The following PARD3 variants were observed in gnomAD, a reference collection of about 807,000 sequenced individuals.
PARD3 encodes the protein partitioning defective 3 homolog.
A neutral mutation model predicts 155.4 loss-of-function variants in PARD3; 75 were observed. The observed-to-expected ratio is 0.48, with a 90% confidence interval of 0.40 to 0.58. The LOEUF (loss-of-function observed/expected upper bound fraction) is 0.58. PARD3 is among the 20% of genes least tolerant of loss of function. PARD3 has a pLI of 0.00. For synonymous variants in PARD3, 576 were observed against 610.5 expected (o/e 0.94, Z 0.83); for missense variants, 1,642 against 1,721.7 (o/e 0.95, Z 0.82).
chr10:34,634,073 C>A (rs1157803544), intron 2 of PARD3, among the ~76,000 whole-genome samples: 3 of 152,138 alleles, frequency 2.0e-5, no homozygotes, highest in East Asian at 1.9e-4. Context: ...CAGGAAGCTA[C>A]ACAATGGCAG....
chr10:34,531,269 C>G (rs906906905), intron 2 of PARD3, among the ~76,000 whole-genome samples: 29 of 152,194 alleles, frequency 1.9e-4, no homozygotes, highest in Non-Finnish European at 1.5e-4. Context: ...GGCAGACACT[C>G]TTTCTCCTCA....
intron 2 of PARD3, among the ~76,000 whole-genome samples, chr10:34,525,097 G>A (rs969549536): frequency 2.0e-5 from 3 of 152,154 alleles, no homozygotes; most frequent in Admixed American, 1.3e-4. Flanking sequence ...TAGAGCTAGT[G>A]TTTAACTGGA....
chr10:34,747,254 C>A (rs955679296), intron 1 of PARD3, among the ~76,000 whole-genome samples: 1 of 151,962 alleles, frequency 6.6e-6, no homozygotes, highest in Non-Finnish European at 1.5e-5. Flanking sequence ...ATTTGAGCCA[C>A]GATTCTAAGG....
At chr10:34,625,058 C>T (rs182780884) in intron 2 of PARD3, among the ~76,000 whole-genome samples, 13 of 152,170 alleles carry the variant, frequency 8.5e-5, no homozygotes, top group African/African-American at 2.9e-4. Flanking sequence ...TCCACAGGGA[C>T]CTTCTTCCAT....
At chr10:34,288,258 C>T (rs1956499068) in intron 20 of PARD3, among the ~76,000 whole-genome samples, 1 of 152,026 alleles carries the variant, frequency 6.6e-6, no homozygotes, top group Admixed American at 6.6e-5. Context: ...TTAAAGAAAC[C>T]ATATGTAAAA....
intron 22 of PARD3, among the ~76,000 whole-genome samples, chr10:34,248,793 A>G (rs188503975): frequency 6.6e-6 from 1 of 152,238 alleles, no homozygotes; most frequent in Admixed American, 6.5e-5. Context: ...CATCATAAAC[A>G]AAGAATAGTA....
intron 20 of PARD3, among the ~76,000 whole-genome samples, chr10:34,309,311 C>T (rs915593431): frequency 6.6e-6 from 1 of 152,022 alleles, no homozygotes; most frequent in Admixed American, 6.6e-5. Context: ...CTCATCTCAG[C>T]ATGCTGGGAG....
intron 1 of PARD3, among the ~76,000 whole-genome samples, chr10:34,742,165 T>C (rs1180737687): frequency 6.6e-6 from 1 of 152,166 alleles, no homozygotes; most frequent in Non-Finnish European, 1.5e-5. Context: ...CTCCACTCAA[T>C]TAAACCTCCA....
intron 1 of PARD3, among the ~76,000 whole-genome samples, chr10:34,724,225 T>A (rs1399228410): frequency 2.0e-5 from 3 of 151,228 alleles, no homozygotes; most frequent in East Asian, 3.9e-4. Context: ...TCTCAGGGTA[T>A]TTTTTTTTAA....
chr10:34,586,785 T>A (rs1205896349), intron 2 of PARD3, among the ~76,000 whole-genome samples: 1 of 151,944 alleles, frequency 6.6e-6, no homozygotes, highest in African/African-American at 2.4e-5. Flanking sequence ...ACCCTGTCCC[T>A]ACTAAAAATA....
chr10:34,583,903 C>T (rs1369233376), intron 2 of PARD3, among the ~76,000 whole-genome samples: 1 of 151,966 alleles, frequency 6.6e-6, no homozygotes, highest in Non-Finnish European at 1.5e-5. Context: ...AAATTAGGAA[C>T]TAATTTTAAT....
intron 2 of PARD3, among the ~76,000 whole-genome samples, chr10:34,577,578 T>C (rs559575076): frequency 6.6e-6 from 1 of 152,342 alleles, no homozygotes; most frequent in South Asian, 2.1e-4. Flanking sequence ...AATGTGTCTC[T>C]GTTCACACAC....
intron 22 of PARD3, among the ~76,000 whole-genome samples, chr10:34,205,037 G>A (rs1259566730): frequency 6.6e-6 from 1 of 152,158 alleles, no homozygotes; most frequent in East Asian, 1.9e-4. Context: ...ATTTGAGTCT[G>A]GGGATGATTA....
intron 2 of PARD3, among the ~76,000 whole-genome samples, chr10:34,642,845 G>A (rs1031904153): frequency 6.6e-6 from 1 of 152,078 alleles, no homozygotes; most frequent in Non-Finnish European, 1.5e-5. Context: ...ATCACCTACA[G>A]TGCAGCCAGA....
intron 5 of PARD3, among the ~76,000 whole-genome samples, chr10:34,442,519 G>A (rs180734390): frequency 3.9e-5 from 6 of 152,300 alleles, no homozygotes; most frequent in East Asian, 1.9e-4. Context: ...GCGAGGCTAC[G>A]CATTCGAGGC....
chr10:34,709,930 G>T (rs1188508450), intron 1 of PARD3, among the ~76,000 whole-genome samples: 1 of 151,844 alleles, frequency 6.6e-6, no homozygotes, highest in Non-Finnish European at 1.5e-5. Flanking sequence ...ATGACCCAGG[G>T]TTCATGAGAA....
chr10:34,750,462 AACACACACACACAC>A lies in PARD3; in HGVS notation c.121-54057_121-54044del, dbSNP rs71033348. Among the ~76,000 whole-genome samples the A allele has an allele frequency of 4.5e-3, 616 of 135,916 alleles. 10 individuals carry two copies. In the East Asian group the frequency reaches 0.072, roughly 16 times the overall value. 89.2% of individuals were successfully genotyped at this position (135,916 alleles called of 152,430 possible). ...AGTTACATCCTCTTTCTCTCTTTCA[AACACACACACACAC>A]ACACACACACACACACACACACACA... On this transcript the variant is annotated intron_variant, in intron 1 of 24. Coordinates refer to ENST00000374788, the MANE Select transcript of PARD3 (RefSeq NM_001184785.2).
At chr10:34,693,022 AG>A (rs2094099067) in intron 2 of PARD3, among the ~76,000 whole-genome samples, 1 of 152,240 alleles carries the variant, frequency 6.6e-6, no homozygotes, top group Non-Finnish European at 1.5e-5. Context: ...CACCAGTCAG[AG>A]TGGCAATTAT....
intron 2 of PARD3, among the ~76,000 whole-genome samples, chr10:34,593,917 A>G (rs771436485): frequency 2.4e-4 from 37 of 152,220 alleles, no homozygotes; most frequent in Admixed American, 2.3e-3. Context: ...GAAGCCTTAG[A>G]AATCCCACTG....
Sources: allele counts gnomAD v4.1 joint callset (sites outside exome capture counted in the v4.1 genomes callset), GRCh38; gene constraint gnomAD v4.1.1; transcripts MANE v1.5; gene names NCBI Gene and HGNC (gene_info 2026-07-23, HGNC 2026-07-21).